The following IL1RAPL1 variants were observed in gnomAD, a reference collection of about 807,000 sequenced individuals.
IL1RAPL1 encodes the protein interleukin 1 receptor accessory protein like 1.
Under a neutral mutation model 48.4 loss-of-function variants are expected in IL1RAPL1, and 3 were observed. The ratio of observed to expected loss-of-function variants is 0.06; its 90% CI spans 0.03 to 0.16. The LOEUF (loss-of-function observed/expected upper bound fraction) is 0.16, where lower values mean the gene tolerates loss of function less well. Among genes scored for constraint, IL1RAPL1 ranks in the 10% least tolerant of loss-of-function variants. The probability of loss-of-function intolerance (pLI) is 1.00; values close to 1 mark genes in which losing one functional copy is unlikely to be tolerated. For missense variants in IL1RAPL1, 349 were observed against 530.6 expected, an observed-to-expected ratio of 0.66 and a Z score of 3.36; for synonymous variants, 185 against 187.7, an observed-to-expected ratio of 0.99 and a Z score of 0.12.
intron 5 of IL1RAPL1, among the ~76,000 whole-genome samples, chrX:29,565,881 A>C (rs375082310): frequency 5.8e-4 from 65 of 112,596 alleles, no homozygotes; most frequent in African/African-American, 2.1e-3. Flanking sequence ...CATGTAATGA[A>C]GAAATACTAT....
At chrX:29,869,430 A>G (rs1334662857) in intron 6 of IL1RAPL1, among the ~76,000 whole-genome samples, 3 of 111,532 alleles carry the variant, frequency 2.7e-5, no homozygotes, top group African/African-American at 9.8e-5. Context: ...CCTAGCAGAA[A>G]AATAGTGGTC....
chrX:28,590,297 G>A (rs1042658272), intron 1 of IL1RAPL1, among the ~76,000 whole-genome samples: 2 of 111,266 alleles, frequency 1.8e-5, no homozygotes, highest in Non-Finnish European at 3.8e-5. Context: ...TACAAAGAGG[G>A]CTAAACGACT....
rs189046473 is a variant in IL1RAPL1, at chrX:28,969,981, C to A, written c.82+180556C>A. On this transcript the variant is annotated intron_variant, in intron 2 of 10. Transcript: ENST00000378993. Reference sequence around the variant, plus strand: ...TGTTTCTAAACACATATATATGTTTCTAAACACATATATATGTTTAGAAAC... The same window carrying A: ...TGTTTCTAAACACATATATATGTTTATAAACACATATATATGTTTAGAAAC... Among the ~76,000 whole-genome samples the A allele has an allele frequency of 3.5e-4, 37 of 106,478 alleles. 2 individuals are homozygous for A. Among genetic ancestry groups the A allele is most frequent in the Admixed American group, 5.0e-4 (5 of 10,006 alleles). The allele number at this position is 106,478 out of a possible 115,157, so 92.5% of individuals were successfully genotyped here.
In IL1RAPL1 at chrX:29,477,933, GAACA is replaced by G. The variant is rs113372865; in HGVS notation, c.703+78629_703+78632del. On this transcript the variant is annotated intron_variant, in intron 5 of 10. Transcript: ENST00000378993. ...CATAAAGACTTGCAGCAAACCAAAA[GAACA>G]AACCACAAGTAATTCACAGAAGAAA... is the stretch of plus-strand genomic sequence containing the variant. Among the ~76,000 whole-genome samples, 540 of 111,781 alleles carry G rather than the reference GAACA, an allele frequency of 4.8e-3. 5 individuals are homozygous for G. The highest frequency in any genetic ancestry group is 0.016 in the African/African-American group (495 of 30,737).
chrX:28,930,917 A>G (rs1370027795), intron 2 of IL1RAPL1, among the ~76,000 whole-genome samples: 1 of 110,220 alleles, frequency 9.1e-6, no homozygotes, highest in African/African-American at 3.3e-5. Flanking sequence ...CTGGGATTAC[A>G]AGCGTGAGCC....
intron 3 of IL1RAPL1, among the ~76,000 whole-genome samples, chrX:29,381,833 A>AAATATATATAT (rs1365599735): frequency 1.2e-4 from 3 of 25,378 alleles, no homozygotes; most frequent in Non-Finnish European, 1.6e-4. Flanking sequence ...AAAAAAAAAA[A>AAATATATATAT]ATATATATAT....
intron 1 of IL1RAPL1, among the ~76,000 whole-genome samples, chrX:28,667,342 A>C (rs1347077927): frequency 8.9e-6 from 1 of 111,989 alleles, no homozygotes; most frequent in African/African-American, 3.2e-5. Flanking sequence ...TTCATGTTTC[A>C]TGGTTTTGTA....
At chrX:29,554,906 T>G (rs1248946881) in intron 5 of IL1RAPL1, among the ~76,000 whole-genome samples, 1 of 112,508 alleles carries the variant, frequency 8.9e-6, no homozygotes, top group Non-Finnish European at 1.9e-5. Flanking sequence ...ACCCTGTCCA[T>G]TGATTTTCAC....
At chrX:29,022,421 T>C (rs181814947) in intron 2 of IL1RAPL1, among the ~76,000 whole-genome samples, 2 of 111,856 alleles carry the variant, frequency 1.8e-5, no homozygotes, top group East Asian at 5.6e-4. Context: ...GAAAGAGAGA[T>C]TGCTTCCATT....
At chrX:28,988,493 C>A (rs1925529598) in intron 2 of IL1RAPL1, among the ~76,000 whole-genome samples, 1 of 111,472 alleles carries the variant, frequency 9.0e-6, no homozygotes, top group South Asian at 3.8e-4. Flanking sequence ...GAGAATTTCA[C>A]AGCTTGGGGG....
At chrX:29,542,834 C>A (rs1921484341) in intron 5 of IL1RAPL1, among the ~76,000 whole-genome samples, 2 of 111,892 alleles carry the variant, frequency 1.8e-5, no homozygotes, top group Admixed American at 1.9e-4. Context: ...GAAATGAAAC[C>A]TCATGTCTTT....
At chrX:29,266,501 A>G (rs1250636985) in intron 2 of IL1RAPL1, among the ~76,000 whole-genome samples, 1 of 111,567 alleles carries the variant, frequency 9.0e-6, no homozygotes, top group African/African-American at 3.3e-5. Flanking sequence ...ATTAATAGGA[A>G]CTCACTGCAT....
intron 2 of IL1RAPL1, among the ~76,000 whole-genome samples, chrX:28,875,125 G>C (rs752166412): frequency 3.6e-5 from 4 of 111,555 alleles, no homozygotes; most frequent in Non-Finnish European, 7.5e-5. Flanking sequence ...ATAGAAGTAG[G>C]GTTGATTAAA....
intron 2 of IL1RAPL1, among the ~76,000 whole-genome samples, chrX:29,266,945 G>A: frequency 8.9e-6 from 1 of 111,734 alleles, no homozygotes; most frequent in Admixed American, 9.5e-5. Flanking sequence ...TTACTTGCCT[G>A]CATAGGACTT....
At chrX:28,812,004 A>G (rs181256488) in intron 2 of IL1RAPL1, among the ~76,000 whole-genome samples, 2 of 110,833 alleles carry the variant, frequency 1.8e-5, no homozygotes, top group African/African-American at 6.5e-5. Context: ...AGAATTATAC[A>G]TGATATAAAG....
chrX:29,257,488 A>G (rs1237150106), intron 2 of IL1RAPL1, among the ~76,000 whole-genome samples: 1 of 111,860 alleles, frequency 8.9e-6, no homozygotes. Context: ...GTTGAATTCC[A>G]GAAGGTAGGA....
chrX:29,129,031 C>T (rs946876030), intron 2 of IL1RAPL1, among the ~76,000 whole-genome samples: 15 of 100,025 alleles, frequency 1.5e-4, no homozygotes, highest in African/African-American at 5.1e-4. Context: ...TTTAATTTTA[C>T]CTAGAATCTT....
intron 5 of IL1RAPL1, among the ~76,000 whole-genome samples, chrX:29,411,420 A>T (rs946850921): frequency 1.8e-5 from 2 of 112,129 alleles, no homozygotes; most frequent in African/African-American, 6.5e-5. Flanking sequence ...TTTTGATTTC[A>T]TTCAATTTTC....
At chrX:28,852,090 G>C (rs1191981081) in intron 2 of IL1RAPL1, among the ~76,000 whole-genome samples, 1 of 111,724 alleles carries the variant, frequency 9.0e-6, no homozygotes, top group African/African-American at 3.3e-5. Flanking sequence ...CTTTGGAATT[G>C]CCACAGCTAC....
Sources: allele counts gnomAD v4.1 joint callset (sites outside exome capture counted in the v4.1 genomes callset), GRCh38; gene constraint gnomAD v4.1.1; transcripts MANE v1.5; gene names NCBI Gene and HGNC (gene_info 2026-07-23, HGNC 2026-07-21).